The following UBE2H variants were observed in gnomAD, a reference collection of about 807,000 sequenced individuals.
UBE2H encodes ubiquitin-conjugating enzyme E2 H.
Under a neutral mutation model 29.0 loss-of-function variants are expected in UBE2H, and 3 were observed. That is an observed-to-expected ratio of 0.10 (90% confidence interval 0.05 to 0.27). The LOEUF (loss-of-function observed/expected upper bound fraction) is 0.27. Ranked by LOEUF, UBE2H falls within the 10% of genes least tolerant of loss-of-function variation. UBE2H has a pLI of 1.00. For synonymous variants in UBE2H, 69 were observed against 82.9 expected (o/e 0.83, Z 0.91); for missense variants, 68 against 228.2 (o/e 0.30, Z 4.52).
At chr7:129,928,476 A>C (rs576310825) in intron 1 of UBE2H, among the ~76,000 whole-genome samples, 1 of 152,176 alleles carries the variant, frequency 6.6e-6, no homozygotes, top group East Asian at 1.9e-4. Flanking sequence ...GGTGGCACAC[A>C]CCTGTAATCC....
intron 3 of UBE2H, among the ~76,000 whole-genome samples, chr7:129,878,165 G>A (rs962959592): frequency 6.6e-6 from 1 of 152,134 alleles, no homozygotes; most frequent in Non-Finnish European, 1.5e-5. Flanking sequence ...AGGAGAAGGT[G>A]TACAGGCGTA....
At chr7:129,920,149 T>C (rs565105367) in intron 1 of UBE2H, among the ~76,000 whole-genome samples, 3 of 152,338 alleles carry the variant, frequency 2.0e-5, no homozygotes, top group East Asian at 3.9e-4. Flanking sequence ...ATCTCTCACA[T>C]TGTATGCGTA....
chr7:129,854,064 T>TTTTTTTTTTTTTTTTTTTTTTA (rs1805660430), intron 5 of UBE2H, among the ~76,000 whole-genome samples: 2 of 148,286 alleles, frequency 1.3e-5, no homozygotes, highest in Admixed American at 6.7e-5. Context: ...GTGTTAGTTT[T>TTTTTTTTTTTTTTTTTTTTTTA]TTTTTTTTTT....
intron 5 of UBE2H, among the ~76,000 whole-genome samples, chr7:129,850,192 C>A (rs1420530366): frequency 6.6e-6 from 1 of 152,044 alleles, no homozygotes; most frequent in Admixed American, 6.6e-5. Flanking sequence ...CATAGTGACA[C>A]CCCCATCTCT....
chr7:129,906,527 G>C (rs1806820925), intron 1 of UBE2H, among the ~76,000 whole-genome samples: 1 of 152,100 alleles, frequency 6.6e-6, no homozygotes, highest in Non-Finnish European at 1.5e-5. Context: ...GTATTTAAGA[G>C]AAGAGGAACC....
intron 1 of UBE2H, among the ~76,000 whole-genome samples, chr7:129,919,375 C>T (rs543604550): frequency 6.6e-6 from 1 of 152,260 alleles, no homozygotes; most frequent in Admixed American, 6.5e-5. Context: ...TAACACCCTA[C>T]TTAAAACCTT....
intron 5 of UBE2H, among the ~76,000 whole-genome samples, chr7:129,851,376 A>C (rs183608327): frequency 6.6e-6 from 1 of 152,358 alleles, no homozygotes; most frequent in African/African-American, 2.4e-5. Context: ...GAGGGCAGTT[A>C]ATGTGTAATT....
chr7:129,893,645 C>T (rs979584901), intron 1 of UBE2H, among the ~76,000 whole-genome samples: 5 of 152,164 alleles, frequency 3.3e-5, no homozygotes, highest in African/African-American at 1.2e-4. Context: ...TTCAGTTACG[C>T]ACTTTAAAAT....
intron 1 of UBE2H, among the ~76,000 whole-genome samples, chr7:129,922,451 A>G (rs1051368608): frequency 6.6e-6 from 1 of 151,758 alleles, no homozygotes; most frequent in Non-Finnish European, 1.5e-5. Context: ...ACGCCTGGCT[A>G]ATTTTTGTAG....
chr7:129,927,231 T>A (rs1584790969), intron 1 of UBE2H, among the ~76,000 whole-genome samples: 1 of 152,316 alleles, frequency 6.6e-6, no homozygotes, highest in Non-Finnish European at 1.5e-5. Context: ...TTAAGAAACC[T>A]ATTAGAAATT....
intron 3 of UBE2H, among the ~76,000 whole-genome samples, chr7:129,864,372 T>A (rs778107836): frequency 2.6e-5 from 4 of 152,192 alleles, no homozygotes. Flanking sequence ...AATGAATATG[T>A]CTGCAACAAG....
rs1197675545 is a variant in UBE2H, at chr7:129,857,276, T to G, written c.298+235A>C. ...ATGTACTCATGTGTGTGCACATGTA[T>G]CACTATACCTTAAGTTTGGAATCTC... On this transcript the variant is annotated intron_variant, in intron 5 of 6. Transcript: ENST00000355621. 7.3e-6 allele frequency: 4 copies of G among 545,842 alleles called. No homozygotes were observed. In the East Asian group the frequency reaches 9.0e-5, roughly 12 times the overall value. The allele number at this position is 545,842 out of a possible 1,614,324, so 33.8% of individuals were successfully genotyped here. A position where few individuals can be genotyped will look rare whatever the true frequency, so the allele number is the denominator to read the frequency against.
intron 1 of UBE2H, among the ~76,000 whole-genome samples, chr7:129,950,348 TTCTTCA>T (rs1807849172): frequency 6.6e-6 from 1 of 152,132 alleles, no homozygotes; most frequent in South Asian, 2.1e-4. Context: ...ATCTTTGCCT[TTCTTCA>T]TCTTCTACTA....
intron 1 of UBE2H, among the ~76,000 whole-genome samples, chr7:129,927,216 CTTTT>C (rs1807287900): frequency 6.6e-6 from 1 of 152,152 alleles, no homozygotes; most frequent in Non-Finnish European, 1.5e-5. Flanking sequence ...AATTCAGTAA[CTTTT>C]TTAAGAAACC....
intron 5 of UBE2H, among the ~76,000 whole-genome samples, chr7:129,850,473 A>G (rs56153730): frequency 0.064 from 9,679 of 152,286 alleles, 373 homozygotes; most frequent in Non-Finnish European, 0.091. Context: ...TTAAGTATTC[A>G]AAGCTAGAAA....
At chr7:129,837,358 G>A (rs1369804445) in intron 6 of UBE2H, among the ~76,000 whole-genome samples, 3 of 152,162 alleles carry the variant, frequency 2.0e-5, no homozygotes, top group Admixed American at 6.6e-5. Flanking sequence ...AGAAAGATGA[G>A]GGTAAAATGT....
chr7:129,945,498 C>T (rs992191574), intron 1 of UBE2H, among the ~76,000 whole-genome samples: 1 of 152,276 alleles, frequency 6.6e-6, no homozygotes, highest in East Asian at 1.9e-4. Context: ...AGTGCCAAAA[C>T]GATACCAACT....
chr7:129,855,659 A>C (rs1805691617), intron 5 of UBE2H, among the ~76,000 whole-genome samples: 1 of 152,252 alleles, frequency 6.6e-6, no homozygotes, highest in Non-Finnish European at 1.5e-5. Context: ...AGAACAAGAC[A>C]AAGTCCTCAC....
intron 1 of UBE2H, among the ~76,000 whole-genome samples, chr7:129,883,568 A>G (rs979032886): frequency 5.9e-5 from 9 of 152,266 alleles, no homozygotes; most frequent in African/African-American, 2.2e-4. Flanking sequence ...TAGGCTGGGC[A>G]CAGTGGCTCA....
Sources: gnomAD v4.1 joint callset for allele counts (sites outside exome capture counted in the v4.1 genomes callset) on GRCh38, gnomAD v4.1.1 for gene constraint, MANE v1.5 for transcripts, NCBI Gene and HGNC (gene_info 2026-07-23, HGNC 2026-07-21) for gene names.